The following LDLRAD4 variants were observed in gnomAD, a reference collection of about 807,000 sequenced individuals.
LDLRAD4 encodes the protein low density lipoprotein receptor class A domain containing 4.
A neutral mutation model predicts 17.0 loss-of-function variants in LDLRAD4; 5 were observed. The ratio of observed to expected loss-of-function variants is 0.29; its 90% confidence interval spans 0.15 to 0.62. LDLRAD4 has a LOEUF of 0.62. Among genes scored for constraint, LDLRAD4 ranks in the 20% least tolerant of loss-of-function variants. The pLI is 0.84. For synonymous variants in LDLRAD4, 168 were observed against 171.8 expected (o/e 0.98, Z 0.17); for missense variants, 340 against 424.7 (o/e 0.80, Z 1.75).
chr18:13,238,906 G>T (rs1477986751), intron 1 of LDLRAD4, among the ~76,000 whole-genome samples: 1 of 152,128 alleles, frequency 6.6e-6, no homozygotes, highest in Non-Finnish European at 1.5e-5. Context: ...CTGCTTGTAA[G>T]GCCAGGCGGG....
intron 1 of LDLRAD4, among the ~76,000 whole-genome samples, chr18:13,316,107 C>CT (rs1353894780): frequency 6.6e-6 from 1 of 152,166 alleles, no homozygotes; most frequent in African/African-American, 2.4e-5. Context: ...ATCCCAAACT[C>CT]TGTCAGACAT....
chr18:13,606,247 A>T (rs2095223352), intron 3 of LDLRAD4, among the ~76,000 whole-genome samples: 1 of 152,130 alleles, frequency 6.6e-6, no homozygotes, highest in South Asian at 2.1e-4. Context: ...TCAGGCACAA[A>T]CCCACTTAGG....
intron 2 of LDLRAD4, among the ~76,000 whole-genome samples, chr18:13,423,253 G>A (rs937036710): frequency 1.3e-5 from 2 of 152,142 alleles, no homozygotes; most frequent in African/African-American, 4.8e-5. Flanking sequence ...AGCACTTTGG[G>A]AGGCTGAGGA....
intron 1 of LDLRAD4, among the ~76,000 whole-genome samples, chr18:13,310,900 A>G (rs1163036551): frequency 6.6e-6 from 1 of 152,208 alleles, no homozygotes; most frequent in Non-Finnish European, 1.5e-5. Context: ...TGTTGGAAAG[A>G]TGCAGATTCT....
chr18:13,474,287 AG>A, intron 3 of LDLRAD4, among the ~76,000 whole-genome samples: 1 of 152,170 alleles, frequency 6.6e-6, no homozygotes, highest in Non-Finnish European at 1.5e-5. Flanking sequence ...AGACTAATAC[AG>A]CCGCTAAGCC....
chr18:13,403,338 C>T (rs1011229744), intron 2 of LDLRAD4, among the ~76,000 whole-genome samples: 7 of 152,142 alleles, frequency 4.6e-5, no homozygotes, highest in Admixed American at 2.0e-4. Context: ...AACATGGGGA[C>T]TGGAGTCTCT....
intron 3 of LDLRAD4, among the ~76,000 whole-genome samples, chr18:13,495,680 T>C (rs1233932597): frequency 1.3e-5 from 2 of 152,166 alleles, no homozygotes; most frequent in African/African-American, 2.4e-5. Context: ...AGGAATAGAT[T>C]AATAGACTCA....
chr18:13,601,288 A>T (rs532762634), intron 3 of LDLRAD4, among the ~76,000 whole-genome samples: 1 of 152,052 alleles, frequency 6.6e-6, no homozygotes, highest in African/African-American at 2.4e-5. Context: ...GAATAAAACA[A>T]ATAACCCCAC....
At chr18:13,591,019 CCAGTAT>C (rs1260331034) in intron 3 of LDLRAD4, among the ~76,000 whole-genome samples, 1 of 152,056 alleles carries the variant, frequency 6.6e-6, no homozygotes, top group Admixed American at 6.5e-5. Flanking sequence ...AGATCTTAAC[CCAGTAT>C]CATGTGTGGG....
intron 3 of LDLRAD4, among the ~76,000 whole-genome samples, chr18:13,485,659 A>C (rs1158987871): frequency 6.6e-6 from 1 of 152,188 alleles, no homozygotes; most frequent in East Asian, 1.9e-4. Context: ...CTTCAGTTTT[A>C]GTAACTTAAT....
intron 2 of LDLRAD4, among the ~76,000 whole-genome samples, chr18:13,406,070 ATATTT>A (rs1600014071): frequency 6.6e-6 from 1 of 152,248 alleles, no homozygotes; most frequent in African/African-American, 2.4e-5. Context: ...CTTTTGCAGC[ATATTT>A]TACTCTGTCA....
At chr18:13,565,220 C>T (rs936763816) in intron 3 of LDLRAD4, among the ~76,000 whole-genome samples, 2 of 152,178 alleles carry the variant, frequency 1.3e-5, no homozygotes, top group Admixed American at 1.3e-4. Context: ...GCTTTTAGGT[C>T]GACCAGTTGT....
chr18:13,454,229 A>G lies in LDLRAD4; in HGVS notation c.181+15845A>G, dbSNP rs557811754. 3.3e-5 allele frequency among the ~76,000 whole-genome samples: 5 copies of G among 152,280 alleles called. No individual in the cohort carries two copies. In the East Asian group the frequency reaches 7.7e-4, roughly 23 times the overall value. Reference sequence around the variant, plus strand: ...AATGATAACAGGGTGCAGTCGTTTGATGAAAATAAATTGGATTTTATCCTG... The same window carrying G: ...AATGATAACAGGGTGCAGTCGTTTGGTGAAAATAAATTGGATTTTATCCTG... On this transcript the variant is annotated intron_variant, in intron 3 of 5. Coordinates refer to ENST00000359446, the Ensembl canonical transcript of LDLRAD4.
chr18:13,428,113 A>C (rs1314297805), intron 2 of LDLRAD4, among the ~76,000 whole-genome samples: 1 of 152,220 alleles, frequency 6.6e-6, no homozygotes, highest in Admixed American at 6.5e-5. Flanking sequence ...TTATGCTCTA[A>C]TGGAGAAAAG....
At position 13,524,216 on chromosome 18, in the gene LDLRAD4, A is replaced by G. The variant is rs113548990; in HGVS notation, c.181+85832A>G. Among the ~76,000 whole-genome samples the G allele has an allele frequency of 3.4e-3, 513 of 152,324 alleles. 1 individual carries two copies. The highest frequency in any genetic ancestry group is 0.014 in the Middle Eastern group (4 of 294). On this transcript the variant is annotated intron_variant, in intron 3 of 5. Coordinates refer to ENST00000359446, the Ensembl canonical transcript of LDLRAD4. ...CCCTGCTGCATGATAGAGAAGAACCAAAGGGTCTTGGGTTGGTTTTTATTT... is the reference window on the plus strand; with the variant it reads ...CCCTGCTGCATGATAGAGAAGAACCGAAGGGTCTTGGGTTGGTTTTTATTT...
chr18:13,381,260 G>C (rs62085676), intron 1 of LDLRAD4, among the ~76,000 whole-genome samples: 63,083 of 151,668 alleles, frequency 0.42, 14,449 homozygotes, highest in Non-Finnish European at 0.51. Flanking sequence ...TAGATATGGG[G>C]ACTTTCTATG....
chr18:13,642,001 C>G (rs1280253324), intron 4 of LDLRAD4: 3 of 985,204 alleles, frequency 3.0e-6, no homozygotes, highest in Non-Finnish European at 2.4e-6. Flanking sequence ...GGGCCTCCGC[C>G]CCCTTCCCGC....
At chr18:13,607,387 T>C (rs768605349) in intron 3 of LDLRAD4, among the ~76,000 whole-genome samples, 4 of 152,258 alleles carry the variant, frequency 2.6e-5, no homozygotes, top group African/African-American at 7.2e-5. Flanking sequence ...GCTAACTTTA[T>C]GCTGCAGAAC....
At chr18:13,445,227 G>C (rs776237749) in intron 3 of LDLRAD4, among the ~76,000 whole-genome samples, 6 of 152,324 alleles carry the variant, frequency 3.9e-5, no homozygotes, top group Middle Eastern at 3.4e-3. Flanking sequence ...AGACATGTAA[G>C]TGTGTGAGCA....
Sources: allele counts gnomAD v4.1 joint callset (sites outside exome capture counted in the v4.1 genomes callset), GRCh38; gene constraint gnomAD v4.1.1; transcripts MANE v1.5; gene names NCBI Gene and HGNC (gene_info 2026-07-23, HGNC 2026-07-21).